The following DAP3 variants were observed in gnomAD, a reference collection of about 807,000 sequenced individuals.
DAP3 encodes the protein small ribosomal subunit protein mS29.
Under a neutral mutation model 51.9 loss-of-function variants are expected in DAP3, and 28 were observed. That is an observed-to-expected ratio of 0.54 (90% CI 0.40 to 0.74). DAP3 has a LOEUF of 0.74. DAP3 is among the 30% of genes least tolerant of loss of function. The pLI, the probability that DAP3 is intolerant of heterozygous loss-of-function variation, is 0.00. For missense variants in DAP3, 458 were observed against 483.5 expected, an observed-to-expected ratio of 0.95 and a Z score of 0.49; for synonymous variants, 170 against 170.3, an observed-to-expected ratio of 1.00 and a Z score of 0.01.
chr1:155,695,139 T>G (rs2149109540), intron 1 of DAP3, among the ~76,000 whole-genome samples: 1 of 152,354 alleles, frequency 6.6e-6, no homozygotes, highest in East Asian at 1.9e-4. Context: ...TTTTAATTTT[T>G]GTGGAATTCC....
rs536575885 is a variant in DAP3 at position 155,703,811 on chromosome 1, A to G, written c.-7-5962A>G. Among the ~76,000 whole-genome samples the G allele has an allele frequency of 2.0e-5, 3 of 152,346 alleles. No individual in the cohort carries two copies. In the South Asian group the frequency reaches 6.2e-4, roughly 32 times the overall value. On this transcript the variant is annotated intron_variant, in intron 1 of 12. Transcript: ENST00000368336. ...GTTGGCATCCCAGAGTGCTGGGATT[A>G]CAGGTGTGAGCCACTGCGCCTGACC...
intron 2 of DAP3, among the ~76,000 whole-genome samples, chr1:155,716,156 G>A (rs941399731): frequency 2.6e-5 from 4 of 152,276 alleles, no homozygotes; most frequent in Middle Eastern, 3.4e-3. Flanking sequence ...GTTTGTTTCC[G>A]TATAGGACAG....
At chr1:155,702,814 CAA>C (rs1359706122) in intron 1 of DAP3, among the ~76,000 whole-genome samples, 1 of 151,832 alleles carries the variant, frequency 6.6e-6, no homozygotes, top group Non-Finnish European at 1.5e-5. Context: ...ACTAAAAATA[CAA>C]AAAATTAGCC....
At chr1:155,731,264 C>CAAAAA in intron 9 of DAP3, 92 bp from the exon 10 acceptor site, 1 of 1,106,084 alleles carries the variant, frequency 9.0e-7, no homozygotes, top group Non-Finnish European at 1.3e-6. Flanking sequence ...GAGACTCTGT[C>CAAAAA]AAAAAAAAAA....
intron 12 of DAP3, among the ~76,000 whole-genome samples, chr1:155,737,770 G>GC (rs1659959003): frequency 8.2e-6 from 1 of 121,962 alleles, no homozygotes; most frequent in East Asian, 4.1e-4. Context: ...ATTGAAAAAA[G>GC]CAAAAAAAAA....
rs551826840 is a variant in DAP3 at position 155,728,756 on chromosome 1, A to G, written c.604-286A>G. Among the ~76,000 whole-genome samples, 6 of 152,086 alleles carry G rather than the reference A, an allele frequency of 3.9e-5. No homozygotes were observed. The East Asian group carries it at 1.2e-3, about 29-fold the overall frequency. On this transcript the variant is annotated intron_variant, in intron 7 of 12. Transcript: ENST00000368336. ...ACGCCTGAAATCCCAGCTACTTGGG[A>G]GGCTGAGGCAAGAGAATCCCTTAAA... is the stretch of plus-strand genomic sequence containing the variant.
intron 1 of DAP3, chr1:155,709,204 T>C (rs573427914): frequency 3.3e-5 from 5 of 152,280 alleles, no homozygotes; most frequent in Admixed American, 3.3e-4. Context: ...TGGAATGTAG[T>C]GCATCTCAGC....
chr1:155,712,920 G>A (rs1290948074), intron 2 of DAP3, among the ~76,000 whole-genome samples: 3 of 152,090 alleles, frequency 2.0e-5, no homozygotes, highest in South Asian at 2.1e-4. Flanking sequence ...ATTGAGTAGC[G>A]TTTAAGTAGT....
intron 11 of DAP3, among the ~76,000 whole-genome samples, chr1:155,733,752 G>T (rs1377864815): frequency 6.6e-6 from 1 of 152,084 alleles, no homozygotes; most frequent in Non-Finnish European, 1.5e-5. Flanking sequence ...CAGAAGAATC[G>T]GTTGAACCCA....
chr1:155,722,132 A>G (rs746174292), intron 4 of DAP3: 1 of 160,804 alleles, frequency 6.2e-6, no homozygotes, highest in Non-Finnish European at 1.4e-5. Context: ...GCCGGGCGCT[A>G]TGGCTCACGC....
chr1:155,732,644 C>A (rs1045252913), intron 11 of DAP3, among the ~76,000 whole-genome samples: 1 of 152,078 alleles, frequency 6.6e-6, no homozygotes, highest in Non-Finnish European at 1.5e-5. Flanking sequence ...ATACTTTTAC[C>A]TAATTGGTGG....
At chr1:155,707,875 G>T (rs1656196816) in intron 1 of DAP3, among the ~76,000 whole-genome samples, 1 of 152,132 alleles carries the variant, frequency 6.6e-6, no homozygotes, top group African/African-American at 2.4e-5. Flanking sequence ...CCATGTTGAT[G>T]CATGCAATGG....
At chr1:155,709,375 G>A (rs1299860355) in intron 1 of DAP3, among the ~76,000 whole-genome samples, 1 of 151,956 alleles carries the variant, frequency 6.6e-6, no homozygotes, top group African/African-American at 2.4e-5. Flanking sequence ...TGAACTCCTG[G>A]GCTCAAGCAA....
intron 1 of DAP3, among the ~76,000 whole-genome samples, chr1:155,706,290 G>A (rs1571466687): frequency 1.3e-5 from 2 of 152,168 alleles, no homozygotes; most frequent in African/African-American, 4.8e-5. Flanking sequence ...ACAGGCATGA[G>A]TCACCATGCC....
At chr1:155,712,719 T>G (rs879088602) in intron 2 of DAP3, among the ~76,000 whole-genome samples, 2 of 151,788 alleles carry the variant, frequency 1.3e-5, no homozygotes, top group Non-Finnish European at 2.9e-5. Flanking sequence ...GAGGATCATG[T>G]GGGCCCAGGA....
At chr1:155,703,032 C>T (rs1426821948) in intron 1 of DAP3, among the ~76,000 whole-genome samples, 1 of 152,164 alleles carries the variant, frequency 6.6e-6, no homozygotes, top group Non-Finnish European at 1.5e-5. Context: ...GCCAATACCA[C>T]ACTATCTTGA....
intron 11 of DAP3, 43 bp from the exon 12 acceptor site, chr1:155,736,903 T>C (rs1275847292): frequency 6.7e-7 from 1 of 1,482,500 alleles, no homozygotes; most frequent in African/African-American, 1.4e-5. Context: ...TCTGGTGCTT[T>C]GTTCCTTAAC....
At chr1:155,705,260 T>G (rs1173431324) in intron 1 of DAP3, among the ~76,000 whole-genome samples, 1 of 151,758 alleles carries the variant, frequency 6.6e-6, no homozygotes, top group African/African-American at 2.4e-5. Context: ...TATTCCAGCT[T>G]GGATGACAGA....
upstream of DAP3, chr1:155,688,107 G>T (rs768073810): frequency 1.2e-6 from 2 of 1,609,780 alleles, no homozygotes; most frequent in South Asian, 1.1e-5. Flanking sequence ...GTACAGGGAA[G>T]TGAGGAAGAG....
Sources: allele counts gnomAD v4.1 joint callset (sites outside exome capture counted in the v4.1 genomes callset), GRCh38; gene constraint gnomAD v4.1.1; transcripts MANE v1.5; gene names NCBI Gene and HGNC (gene_info 2026-07-23, HGNC 2026-07-21).